SCNN1B: variants seen among roughly 807,000 people sequenced by gnomAD.
SCNN1B encodes epithelial sodium channel subunit beta.
A neutral mutation model predicts 65.3 loss-of-function variants in SCNN1B; 46 were observed. That is an observed-to-expected ratio of 0.70 (90% CI 0.56 to 0.90). The LOEUF is 0.90. Among genes scored for constraint, SCNN1B ranks in the 40% least tolerant of loss-of-function variants. The pLI is 0.00. For missense variants in SCNN1B, 751 were observed against 830.5 expected (o/e 0.90, Z 1.18); for synonymous variants, 349 against 330.6 (o/e 1.06, Z -0.60).
chr16:23,298,763 C>T (rs570882117), upstream of SCNN1B, among the ~76,000 whole-genome samples: 1 of 152,310 alleles, frequency 6.6e-6, no homozygotes, highest in South Asian at 2.1e-4. Flanking sequence ...AACTACAGAA[C>T]ACAACACTCT....
intron 1 of SCNN1B, chr16:23,304,201 G>C: frequency 1.1e-6 from 1 of 926,694 alleles, no homozygotes; most frequent in South Asian, 1.5e-5. Flanking sequence ...TCTGAATTTA[G>C]GGGATGAGGT....
In SCNN1B at chr16:23,381,090, C is replaced by T. The variant is rs1963042991; in HGVS notation, c.*289C>T. The T allele has an allele frequency of 6.3e-6, 3 of 478,170 alleles. No individual in the cohort carries two copies. Among genetic ancestry groups the T allele is most frequent in the South Asian group, 2.2e-5 (1 of 45,232 alleles). 29.6% of individuals were successfully genotyped at this position (478,170 alleles called of 1,614,324 possible). A position where few individuals can be genotyped will look rare whatever the true frequency, so the allele number is the denominator to read the frequency against. On this transcript the variant is annotated 3_prime_UTR_variant, in exon 13 of 13. Coordinates refer to ENST00000343070, the MANE Select transcript of SCNN1B (RefSeq NM_000336.3). ...TCCTGAAGACCCCTCGGAACACCCTCTCCTGGTGGCAGGCCACTTCCCTCC... is the reference window on the plus strand; with the variant it reads ...TCCTGAAGACCCCTCGGAACACCCTTTCCTGGTGGCAGGCCACTTCCCTCC...
chr16:23,365,241 A>G (rs1483894702), intron 4 of SCNN1B, among the ~76,000 whole-genome samples: 1 of 151,712 alleles, frequency 6.6e-6, no homozygotes, highest in East Asian at 1.9e-4. Flanking sequence ...ACAGTGAACC[A>G]ATATCACGCC....
intron 1 of SCNN1B, among the ~76,000 whole-genome samples, chr16:23,309,966 A>G (rs371102105): frequency 1.1e-4 from 16 of 152,214 alleles, no homozygotes; most frequent in African/African-American, 3.1e-4. Flanking sequence ...TCTCAGCTCT[A>G]CAAGAGGACT....
At chr16:23,310,816 A>G (rs930339311) in intron 1 of SCNN1B, among the ~76,000 whole-genome samples, 3 of 152,262 alleles carry the variant, frequency 2.0e-5, no homozygotes, top group Non-Finnish European at 4.4e-5. Flanking sequence ...TCTCAACTGC[A>G]CTCCAAAGAA....
intron 1 of SCNN1B, among the ~76,000 whole-genome samples, chr16:23,334,546 G>A (rs1961896467): frequency 1.3e-5 from 2 of 152,164 alleles, no homozygotes; most frequent in Admixed American, 6.5e-5. Flanking sequence ...CTGAAACCCT[G>A]AGGCACACCC....
intron 4 of SCNN1B, among the ~76,000 whole-genome samples, chr16:23,365,923 G>T (rs559896766): frequency 1.3e-5 from 2 of 152,338 alleles, no homozygotes; most frequent in Non-Finnish European, 1.5e-5. Flanking sequence ...AAGTCATTCT[G>T]CAAGTCAACT....
At chr16:23,343,407 A>G (rs1284202302) in intron 1 of SCNN1B, among the ~76,000 whole-genome samples, 1 of 151,056 alleles carries the variant, frequency 6.6e-6, no homozygotes, top group Non-Finnish European at 1.5e-5. Flanking sequence ...AGCTGAGGTC[A>G]CGCGATCGCA....
chr16:23,306,884 G>A (rs571667167), intron 1 of SCNN1B, among the ~76,000 whole-genome samples: 12 of 152,300 alleles, frequency 7.9e-5, no homozygotes, highest in East Asian at 1.9e-4. Flanking sequence ...CTGTGATGGC[G>A]CGTGAGGCAG....
intron 1 of SCNN1B, among the ~76,000 whole-genome samples, chr16:23,319,274 C>G (rs1439402959): frequency 6.6e-6 from 1 of 152,124 alleles, no homozygotes; most frequent in Admixed American, 6.6e-5. Context: ...TCTTAATCTC[C>G]TGACCTCGTG....
In SCNN1B at chr16:23,312,935, G is replaced by C. The variant is rs187267613; in HGVS notation, c.-9+10498G>C. Among the ~76,000 whole-genome samples the C allele has an allele frequency of 1.9e-4, 29 of 152,288 alleles. No homozygotes were observed. In the East Asian group the frequency reaches 4.2e-3, roughly 22 times the overall value. On this transcript the variant is annotated intron_variant, in intron 1 of 12. Coordinates refer to ENST00000343070, the MANE Select transcript of SCNN1B (RefSeq NM_000336.3). ...AGGCTGCACATTTTCCTACATTTGGGTGGGAAGGCAGAAGATACTTTCTTT... is the reference window on the plus strand; with the variant it reads ...AGGCTGCACATTTTCCTACATTTGGCTGGGAAGGCAGAAGATACTTTCTTT...
rs529618510 is a variant in SCNN1B, at chr16:23,348,400, T to C, written c.-8-192T>C. Among the ~76,000 whole-genome samples, 2 of 134,896 alleles carry C rather than the reference T, an allele frequency of 1.5e-5. No homozygotes were observed. Among genetic ancestry groups the C allele is most frequent in the African/African-American group, 5.7e-5 (2 of 35,076 alleles). The allele number at this position is 134,896 out of a possible 152,430, so 88.5% of individuals were successfully genotyped here. A position where few individuals can be genotyped will look rare whatever the true frequency, so the allele number is the denominator to read the frequency against. ...AATAAATGCATTTTGGTTGATTAGA[T>C]GGATGGATGGATTGATGACAGATAG... On this transcript the variant is annotated intron_variant, in intron 1 of 12. Transcript: ENST00000343070. This position sits in a 1 kb window ranked among gnomAD's most constrained non-coding sequence, Gnocchi z 4.5.
intron 2 of SCNN1B, among the ~76,000 whole-genome samples, chr16:23,297,263 G>T (rs1006144637): frequency 3.3e-5 from 5 of 152,160 alleles, no homozygotes; most frequent in Non-Finnish European, 7.3e-5. Flanking sequence ...TGTGCTTGTT[G>T]TTGTTTACAT....
chr16:23,301,366 A>AAAAG (rs1555482896), upstream of SCNN1B, among the ~76,000 whole-genome samples: 10 of 146,828 alleles, frequency 6.8e-5, no homozygotes, highest in African/African-American at 1.9e-4. Flanking sequence ...TGTCAAAAAA[A>AAAAG]AAAGAAAGAA....
Position 23,353,055 on chromosome 16 carries a change from G to A in SCNN1B, c.566G>A (p.Cys189Tyr), listed in dbSNP as rs1962345436. The change falls in exon 3 of 13, where the codon TGC becomes TAC. Residue 189 changes from cysteine (C) to tyrosine (Y), a missense_variant. Transcript: ENST00000343070. ...GAAAAGATCTGTAATGCCCACGGGT[G>A]CAAAATGGCCATGAGACTAGTAAGT... ...ASEKICNAHGCKMAMRLCSLN... is the reference protein window; with the variant it reads ...ASEKICNAHGYKMAMRLCSLN... 6.2e-7 allele frequency: 1 copy of A among 1,614,144 alleles called. No homozygotes were observed.
intron 7 of SCNN1B, among the ~76,000 whole-genome samples, chr16:23,375,176 C>G (rs943085320): frequency 2.0e-5 from 3 of 152,130 alleles, no homozygotes; most frequent in African/African-American, 7.2e-5. Context: ...TCCTCTTCCT[C>G]GCCCCACCAG....
At chr16:23,284,388 G>T (rs1260891753) in intron 2 of SCNN1B, among the ~76,000 whole-genome samples, 1 of 151,962 alleles carries the variant, frequency 6.6e-6, no homozygotes, top group East Asian at 1.9e-4. Flanking sequence ...CTGGGCAACA[G>T]AGCAAGACTC....
rs563063316 is a variant in SCNN1B, at chr16:23,377,457, G to A, written c.1404+71G>A. 12 of 1,486,966 alleles carry A rather than the reference G, an allele frequency of 8.1e-6. No individual in the cohort carries two copies. The African/African-American group carries it at 1.4e-4, about 17-fold the overall frequency. The allele number at this position is 1,486,966 out of a possible 1,614,324, so 92.1% of individuals were successfully genotyped here. A position where few individuals can be genotyped will look rare whatever the true frequency, so the allele number is the denominator to read the frequency against. On this transcript the variant is annotated intron_variant, in intron 10 of 12. Transcript: ENST00000343070. ...GGACAAGTCTGGGCATAAGATGTGG[G>A]CTATTTGGAAATTTGAAGGGGGTGC... is the stretch of plus-strand genomic sequence containing the variant.
Position 23,348,562 on chromosome 16 carries a change from G to C in SCNN1B, c.-8-30G>C. The C allele has an allele frequency of 1.2e-6, 2 of 1,609,664 alleles. No individual in the cohort carries two copies. Among genetic ancestry groups the C allele is most frequent in the Non-Finnish European group, 1.7e-6 (2 of 1,178,452 alleles). On this transcript the variant is annotated intron_variant, in intron 1 of 12. Coordinates refer to ENST00000343070, the MANE Select transcript of SCNN1B (RefSeq NM_000336.3). The surrounding 1 kb of genome is among the most constrained non-coding windows in gnomAD (Gnocchi z 4.5). Reference sequence around the variant, plus strand: ...CCTCGCAGGCAAGGCTGGTGTCCCAGCTGATGTGCGTCCCCATGCCTCTCT... The same window carrying C: ...CCTCGCAGGCAAGGCTGGTGTCCCACCTGATGTGCGTCCCCATGCCTCTCT...
Sources: gnomAD v4.1 joint callset for allele counts (sites outside exome capture counted in the v4.1 genomes callset) on GRCh38, gnomAD v4.1.1 for gene constraint, Gnocchi (gnomAD v3.1) non-coding constraint, MANE v1.5 for transcripts, NCBI Gene and HGNC (gene_info 2026-07-23, HGNC 2026-07-21) for gene names.